Variants in CAPN6 observed in about 807,000 individuals in gnomAD.
CAPN6 encodes calpain 6.
A neutral mutation model predicts 46.0 loss-of-function variants in CAPN6; 16 were observed. The observed-to-expected ratio is 0.35, with a 90% CI of 0.24 to 0.53. CAPN6 has a LOEUF of 0.53. Ranked by LOEUF, CAPN6 falls within the 20% of genes least tolerant of loss-of-function variation. CAPN6 has a pLI of 0.94. For missense variants in CAPN6, 461 were observed against 498.0 expected, an observed-to-expected ratio of 0.93 and a Z score of 0.71; for synonymous variants, 206 against 172.8, an observed-to-expected ratio of 1.19 and a Z score of -1.51.
At position 111,263,805 on chromosome X, in the gene CAPN6, C is replaced by T. The variant is rs770150511; in HGVS notation, c.132G>A (p.Leu44=). The part of the protein sequence containing the change: ...PENDSLFYNR[L]LPGKVVWKRP... ...GTTTCCACACCACCTTTCCAGGAAG[C>T]AGTCGGTTGTAGAAAAGAGAATCAT... The change falls in exon 2 of 13, where the codon CTG becomes CTA. Residue 44 remains leucine, a synonymous_variant. Coordinates refer to ENST00000324068, the MANE Select transcript of CAPN6 (RefSeq NM_014289.4). The T allele has an allele frequency of 7.4e-6, 9 of 1,209,086 alleles. No homozygotes were observed. In the South Asian group the frequency reaches 1.4e-4, roughly 19 times the overall value.
At chrX:111,265,733 A>T (rs1461971681) in intron 1 of CAPN6, among the ~76,000 whole-genome samples, 1 of 111,733 alleles carries the variant, frequency 8.9e-6, no homozygotes, top group Non-Finnish European at 1.9e-5. Flanking sequence ...AATGTGGAAA[A>T]GCCTGGGGCA....
At chrX:111,249,096 C>T (rs747327631) in intron 8 of CAPN6, 39 bp from the exon 9 acceptor site, 22 of 1,190,189 alleles carry the variant, frequency 1.8e-5, no homozygotes, top group Non-Finnish European at 2.5e-5. Flanking sequence ...AGTTAGCATT[C>T]CCATTTCATA....
At chrX:111,254,448 C>A (rs2094982212) in intron 2 of CAPN6, 45 bp from the exon 3 acceptor site, 2 of 1,049,812 alleles carry the variant, frequency 1.9e-6, no homozygotes, top group South Asian at 4.0e-5. Context: ...GGAAGAGTTT[C>A]TCAAGAGTCA....
intron 5 of CAPN6, 105 bp downstream of exon 5, chrX:111,252,202 T>C (rs1001460129): frequency 3.2e-6 from 2 of 617,027 alleles, no homozygotes; most frequent in South Asian, 3.4e-5. Context: ...GTCCCATTAA[T>C]AGTTTTTCAT....
intron 1 of CAPN6, among the ~76,000 whole-genome samples, chrX:111,269,723 G>A (rs1037616619): frequency 8.9e-6 from 1 of 111,846 alleles, no homozygotes; most frequent in Non-Finnish European, 1.9e-5. Flanking sequence ...TGGAATCAGA[G>A]GGGAACAAAG....
chrX:111,269,296 TCA>T (rs1031439784), intron 1 of CAPN6, among the ~76,000 whole-genome samples: 2 of 111,164 alleles, frequency 1.8e-5, no homozygotes, highest in Non-Finnish European at 3.8e-5. Context: ...ATAAGCATGC[TCA>T]CACACACACA....
Position 111,246,620 on chromosome X carries a change from A to T in CAPN6, c.1883T>A (p.Ile628Asn). Reference sequence around the variant, plus strand: ...ATCGCTGGAAATAACCTTGAAGCTGATGTGGCCTTGCTTGACTTTGGCAGT... The same window carrying T: ...ATCGCTGGAAATAACCTTGAAGCTGTTGTGGCCTTGCTTGACTTTGGCAGT... ...GPTAKVKQGH[I>N]SFKVISSDDL... Residue 628 changes from isoleucine to asparagine, a missense_variant, in exon 13 of 13, where the codon ATC (isoleucine) becomes AAC (asparagine). By Grantham distance (149) the Ile-to-Asn change is moderately radical. Transcript: ENST00000324068. 1 of 1,211,247 alleles carries T rather than the reference A, an allele frequency of 8.3e-7. No individual in the cohort carries two copies. Among genetic ancestry groups the T allele is most frequent in the Middle Eastern group, 2.3e-4 (1 of 4,353 alleles).
At position 111,263,950 on chromosome X, in the gene CAPN6, G is replaced by A; in HGVS notation, c.-14C>T. Reference sequence around the variant, plus strand: ...AGGAGGACCCATAGTGTTGAACTATGCCTAGAATGAGGAAAATTTTTGTCT... The same window carrying A: ...AGGAGGACCCATAGTGTTGAACTATACCTAGAATGAGGAAAATTTTTGTCT... On this transcript the variant is annotated splice_region_variant and 5_prime_UTR_variant, in exon 2 of 13. Coordinates refer to ENST00000324068, the MANE Select transcript of CAPN6 (RefSeq NM_014289.4). 8.8e-7 allele frequency: 1 copy of A among 1,130,693 alleles called. No homozygotes were observed. The highest frequency in any genetic ancestry group is 2.3e-5 in the South Asian group (1 of 43,367). 93.2% of individuals were successfully genotyped at this position (1,130,693 alleles called of 1,213,427 possible). A position where few individuals can be genotyped will look rare whatever the true frequency, so the allele number is the denominator to read the frequency against.
Position 111,250,959 on chromosome X carries a change from T to C in CAPN6, c.1116A>G (p.Gly372=). The stretch of plus-strand genomic sequence containing the variant: ...AGGTATCACGGTTGTTATAGCAGCC[T>C]CCTGAGCGGTTCATCAGGGGATCAT... The part of the protein sequence containing the change: ...VDDDPLMNRS[G]GCYNNRDTFL... Residue 372 remains glycine (G), a synonymous_variant, in exon 8 of 13, where the codon GGA becomes GGG. Transcript: ENST00000324068. 8.3e-7 allele frequency: 1 copy of C among 1,211,106 alleles called. No individual in the cohort carries two copies. Among genetic ancestry groups the C allele is most frequent in the Admixed American group, 2.2e-5 (1 of 45,983 alleles).
chrX:111,248,617 G>A lies in CAPN6; in HGVS notation c.1436C>T (p.Thr479Ile), dbSNP rs1569480704. The change falls in exon 10 of 13, where the codon ACC becomes ATC. Residue 479 changes from threonine to isoleucine, a missense_variant. Coordinates refer to ENST00000324068, the MANE Select transcript of CAPN6 (RefSeq NM_014289.4). Reference protein sequence around the residue: ...LVPTMFQHGRTSEFLLRIFSE... With the variant: ...LVPTMFQHGRISEFLLRIFSE... Reference sequence around the variant, plus strand: ...GAAGATTCTCAGGAGAAACTCGCTGGTGCGACCATGCTGGAACATGGTTGG... The same window carrying A: ...GAAGATTCTCAGGAGAAACTCGCTGATGCGACCATGCTGGAACATGGTTGG... The A allele has an allele frequency of 2.5e-6, 3 of 1,207,833 alleles. No homozygotes were observed. The highest frequency in any genetic ancestry group is 3.5e-5 in the African/African-American group (2 of 57,044).
intron 2 of CAPN6, 122 bp downstream of exon 2, chrX:111,263,650 G>A (rs778227517): frequency 1.9e-5 from 9 of 462,135 alleles, no homozygotes; most frequent in Admixed American, 1.5e-4. Context: ...AAAAAGAAAG[G>A]AAGGAAGGAA....
At chrX:111,250,579 G>A (rs2094978393) in intron 8 of CAPN6, among the ~76,000 whole-genome samples, 1 of 110,655 alleles carries the variant, frequency 9.0e-6, no homozygotes, top group South Asian at 4.0e-4. Context: ...AATTGAGGGA[G>A]CATCTCAAAG....
chrX:111,260,190 T>C (rs774925720), intron 2 of CAPN6, among the ~76,000 whole-genome samples: 27 of 110,191 alleles, frequency 2.5e-4, no homozygotes, highest in Non-Finnish European at 5.1e-4. Flanking sequence ...TCCTGTCATC[T>C]GAAGAGGCTC....
chrX:111,254,450 C>A, intron 2 of CAPN6, 47 bp from the exon 3 acceptor site: 1 of 1,042,815 alleles, frequency 9.6e-7, no homozygotes, highest in Non-Finnish European at 1.3e-6. Flanking sequence ...AAGAGTTTCT[C>A]AAGAGTCACT....
At chrX:111,256,014 T>C (rs1487820072) in intron 2 of CAPN6, among the ~76,000 whole-genome samples, 1 of 112,073 alleles carries the variant, frequency 8.9e-6, no homozygotes, top group Admixed American at 9.5e-5. Context: ...TTCTTCTCAT[T>C]TTTTTGGCCT....
rs775322872 is a variant in CAPN6, at chrX:111,245,753, C to G, written c.*824G>C. 1 of 112,928 alleles carries G rather than the reference C, an allele frequency of 8.9e-6. No homozygotes were observed. Among genetic ancestry groups the G allele is most frequent in the African/African-American group, 3.2e-5 (1 of 30,962 alleles). The allele number at this position is 112,928 out of a possible 1,213,427, so 9.3% of individuals were successfully genotyped here. On this transcript the variant is annotated 3_prime_UTR_variant, in exon 13 of 13. Coordinates refer to ENST00000324068, the MANE Select transcript of CAPN6 (RefSeq NM_014289.4). ...CTGACTGCCTGAATGGTAGTTCGTG[C>G]GCGCCCATGTGCGCGTGTGTGAGTG... is the stretch of plus-strand genomic sequence containing the variant.
rs186828676 is a variant in CAPN6, at chrX:111,253,179, T to C, written c.335A>G (p.Gln112Arg). ...PNHKEQEWDP[Q>R]KTEKYAGIFH... Reference sequence around the variant, plus strand: ...TATCCCAGCGTATTTTTCTGTTTTTTGAGGGTCCCATTCCTGTTCCTTATG... The same window carrying C: ...TATCCCAGCGTATTTTTCTGTTTTTCGAGGGTCCCATTCCTGTTCCTTATG... The change falls in exon 4 of 13, where the codon CAA becomes CGA. Residue 112 changes from glutamine (Q) to arginine (R), a missense_variant. Physicochemically the swap from Gln to Arg is conservative, Grantham distance 43. Coordinates refer to ENST00000324068, the MANE Select transcript of CAPN6 (RefSeq NM_014289.4). 4.3e-5 allele frequency: 52 copies of C among 1,209,351 alleles called. 1 individual carries two copies. In the East Asian group the frequency reaches 1.5e-3, roughly 36 times the overall value.
chrX:111,262,053 G>T (rs912580774), intron 2 of CAPN6, among the ~76,000 whole-genome samples: 4 of 111,064 alleles, frequency 3.6e-5, no homozygotes, highest in Non-Finnish European at 7.5e-5. Flanking sequence ...TCATAAGAGT[G>T]GCTCCCAGAC....
intron 11 of CAPN6, 48 bp downstream of exon 11, chrX:111,247,823 A>G: frequency 8.4e-7 from 1 of 1,183,960 alleles, no homozygotes; most frequent in Non-Finnish European, 1.1e-6. Context: ...CTTATGTGCT[A>G]TAAATGCAAC....
Sources: gnomAD v4.1 joint callset for allele counts (sites outside exome capture counted in the v4.1 genomes callset) on GRCh38, gnomAD v4.1.1 for gene constraint, MANE v1.5 for transcripts, NCBI Gene and HGNC (gene_info 2026-07-23, HGNC 2026-07-21) for gene names.